The following PTPRT variants were observed in gnomAD, a reference collection of about 807,000 sequenced individuals.
PTPRT encodes the protein protein tyrosine phosphatase receptor type T.
A neutral mutation model predicts 176.8 loss-of-function variants in PTPRT; 56 were observed. The ratio of observed to expected loss-of-function variants is 0.32; its 90% CI spans 0.26 to 0.40. PTPRT has a LOEUF of 0.40. PTPRT is among the 10% of genes least tolerant of loss of function. The probability of loss-of-function intolerance (pLI) is 1.00; values close to 1 mark genes in which losing one functional copy is unlikely to be tolerated. For missense variants in PTPRT, 1,540 were observed against 1,908.2 expected, an observed-to-expected ratio of 0.81 and a Z score of 3.60; for synonymous variants, 783 against 739.0, an observed-to-expected ratio of 1.06 and a Z score of -0.96.
At chr20:42,553,732 G>A (rs973093552) in intron 7 of PTPRT, among the ~76,000 whole-genome samples, 8 of 152,062 alleles carry the variant, frequency 5.3e-5, no homozygotes, top group Admixed American at 5.2e-4. Context: ...AGGGTGAAAT[G>A]TCCAGATTAG....
intron 9 of PTPRT, among the ~76,000 whole-genome samples, chr20:42,387,531 G>A (rs1181715793): frequency 6.6e-6 from 1 of 152,090 alleles, no homozygotes; most frequent in African/African-American, 2.4e-5. Flanking sequence ...GTCGTCATTT[G>A]TTTTGTGTTA....
chr20:43,176,772 A>G (rs2015132533), intron 1 of PTPRT, among the ~76,000 whole-genome samples: 2 of 152,240 alleles, frequency 1.3e-5, no homozygotes, highest in South Asian at 4.1e-4. Context: ...GAAAATCCTG[A>G]TATTTGTAAA....
At chr20:42,637,775 T>C in intron 7 of PTPRT, among the ~76,000 whole-genome samples, 1 of 152,044 alleles carries the variant, frequency 6.6e-6, no homozygotes, top group African/African-American at 2.4e-5. Context: ...TACAAATTTG[T>C]TAAAGAAAAG....
Position 42,942,756 on chromosome 20 carries a change from C to T in PTPRT, c.89-56824G>A, listed in dbSNP as rs772186300. 8.9e-4 allele frequency among the ~76,000 whole-genome samples: 136 copies of T among 152,142 alleles called. 1 individual carries two copies. The highest frequency in any genetic ancestry group is 3.2e-3 in the Middle Eastern group (1 of 316). On this transcript the variant is annotated intron_variant, in intron 1 of 30. Transcript: ENST00000373187. The stretch of plus-strand genomic sequence containing the variant: ...ACTCTTCCAAGCCTCAATATTTTAT[C>T]CTCGAAATAGGGATATTGATGGTAC...
chr20:42,976,267 G>T (rs1982943565), intron 1 of PTPRT, among the ~76,000 whole-genome samples: 1 of 152,086 alleles, frequency 6.6e-6, no homozygotes. Context: ...GACCTGCACT[G>T]GGCCTCCTGC....
At chr20:42,454,710 C>T (rs950604069) in intron 8 of PTPRT, among the ~76,000 whole-genome samples, 1 of 152,070 alleles carries the variant, frequency 6.6e-6, no homozygotes. Context: ...TTGTGTTTCT[C>T]TTTATGTTAC....
chr20:42,567,029 T>C (rs1040923553), intron 7 of PTPRT, among the ~76,000 whole-genome samples: 1 of 152,146 alleles, frequency 6.6e-6, no homozygotes, highest in Non-Finnish European at 1.5e-5. Flanking sequence ...CCCAGCACTT[T>C]GGGAGGCCGA....
chr20:42,401,848 A>G (rs1704063406), intron 9 of PTPRT, among the ~76,000 whole-genome samples: 1 of 152,188 alleles, frequency 6.6e-6, no homozygotes, highest in South Asian at 2.1e-4. Flanking sequence ...ACTGATTGCC[A>G]CAGTGTTACA....
In PTPRT at chr20:42,678,152, G is replaced by C. The variant is rs2146069279; in HGVS notation, c.867C>G (p.Pro289=). The part of the protein sequence containing the change: ...NYAELIVKEP[P]TPIAPPELLA... Reference sequence around the variant, plus strand: ...GCAGCTCTGGGGGAGCAATGGGCGTGGGAGGCTCTGTAAGACAAGCAATCA... The same window carrying C: ...GCAGCTCTGGGGGAGCAATGGGCGTCGGAGGCTCTGTAAGACAAGCAATCA... The change falls in exon 7 of 31, where the codon CCC becomes CCG. Residue 289 remains proline, a synonymous_variant. Coordinates refer to ENST00000373187, the MANE Select transcript of PTPRT (RefSeq NM_007050.6). 1.2e-6 allele frequency: 2 copies of C among 1,612,954 alleles called. No homozygotes were observed.
intron 7 of PTPRT, among the ~76,000 whole-genome samples, chr20:42,614,400 T>C (rs1386516132): frequency 6.6e-6 from 1 of 152,178 alleles, no homozygotes; most frequent in Non-Finnish European, 1.5e-5. Flanking sequence ...TTCAGGTCCA[T>C]AGTACCTTGT....
At chr20:43,012,187 T>A (rs1188479852) in intron 1 of PTPRT, among the ~76,000 whole-genome samples, 1 of 152,206 alleles carries the variant, frequency 6.6e-6, no homozygotes, top group African/African-American at 2.4e-5. Flanking sequence ...ATCCTATTAA[T>A]TCTGTCCCTC....
intron 16 of PTPRT, among the ~76,000 whole-genome samples, chr20:42,197,376 CAAA>C (rs3086756): frequency 6.0e-5 from 2 of 33,316 alleles, no homozygotes; most frequent in Non-Finnish European, 9.9e-5. Context: ...GAGACTCCAT[CAAA>C]AAAAAAAAAA....
At chr20:42,577,086 C>T (rs1273812796) in intron 7 of PTPRT, among the ~76,000 whole-genome samples, 1 of 152,026 alleles carries the variant, frequency 6.6e-6, no homozygotes, top group Non-Finnish European at 1.5e-5. Flanking sequence ...GTAGACTTAA[C>T]AAGCTGAAAA....
chr20:42,398,249 A>G (rs946324162), intron 9 of PTPRT, among the ~76,000 whole-genome samples: 1 of 152,190 alleles, frequency 6.6e-6, no homozygotes, highest in Admixed American at 6.5e-5. Flanking sequence ...TGATTAAACT[A>G]ATGGTTAATA....
intron 16 of PTPRT, among the ~76,000 whole-genome samples, chr20:42,169,675 G>A (rs143555787): frequency 5.9e-4 from 89 of 150,522 alleles, no homozygotes; most frequent in African/African-American, 2.1e-3. Context: ...TGAGGTCTTA[G>A]AAGAAAATCC....
intron 1 of PTPRT, among the ~76,000 whole-genome samples, chr20:43,038,786 A>G (rs762924729): frequency 3.1e-4 from 47 of 152,324 alleles, no homozygotes; most frequent in Middle Eastern, 3.4e-3. Context: ...AACCACATCT[A>G]TTTATACGAG....
chr20:42,467,915 A>G (rs1004285093), intron 8 of PTPRT, among the ~76,000 whole-genome samples: 5 of 152,242 alleles, frequency 3.3e-5, no homozygotes, highest in Admixed American at 1.3e-4. Flanking sequence ...TGCCTAGCAC[A>G]GTGTAGGTGC....
chr20:43,064,247 TC>T (rs1277784599), intron 1 of PTPRT, among the ~76,000 whole-genome samples: 14 of 152,108 alleles, frequency 9.2e-5, no homozygotes, highest in Admixed American at 2.6e-4. Context: ...TACCCCATCC[TC>T]CACCCTCTAG....
chr20:42,593,278 T>G (rs568750458), intron 7 of PTPRT, among the ~76,000 whole-genome samples: 31 of 152,294 alleles, frequency 2.0e-4, no homozygotes, highest in African/African-American at 7.5e-4. Context: ...ACCCAGCCTC[T>G]GATAGCCTCC....
Sources: gnomAD v4.1 joint callset for allele counts (sites outside exome capture counted in the v4.1 genomes callset) on GRCh38, gnomAD v4.1.1 for gene constraint, MANE v1.5 for transcripts, NCBI Gene and HGNC (gene_info 2026-07-23, HGNC 2026-07-21) for gene names.